Variants in TBC1D21 observed in about 807,000 individuals in gnomAD.
TBC1D21 encodes the protein male germ cell Rab GTPase-activating protein.
In TBC1D21, 38 loss-of-function variants were observed where a neutral mutation model predicts 46.0. The ratio of observed to expected loss-of-function variants is 0.83; its 90% CI spans 0.64 to 1.08. TBC1D21 has a LOEUF of 1.08. Among genes scored for constraint, TBC1D21 ranks in the 50% least tolerant of loss-of-function variants. The probability of loss-of-function intolerance (pLI) is 0.00; values close to 1 mark genes in which losing one functional copy is unlikely to be tolerated. For missense variants in TBC1D21, 415 were observed against 417.9 expected, an observed-to-expected ratio of 0.99 and a Z score of 0.06; for synonymous variants, 151 against 157.2, an observed-to-expected ratio of 0.96 and a Z score of 0.29.
the TBC1D21 span, among the ~76,000 whole-genome samples, chr15:73,906,304 G>A: frequency 1.3e-5 from 2 of 152,184 alleles, no homozygotes; most frequent in Non-Finnish European, 2.9e-5. Flanking sequence ...ACGTATGTGG[G>A]AGGAGGTCGG....
the TBC1D21 span, chr15:73,908,040 C>G: frequency 6.6e-6 from 1 of 152,216 alleles, no homozygotes; most frequent in Non-Finnish European, 1.5e-5. Context: ...TGCCTGCCCC[C>G]AGAAAGTGGC....
chr15:73,898,863 C>CAAAAAAAAAA, the TBC1D21 span, among the ~76,000 whole-genome samples: 414 of 24,072 alleles, frequency 0.017, 48 homozygotes, highest in East Asian at 0.094. Flanking sequence ...GACTCCATCT[C>CAAAAAAAAAA]AAAAAAAAAA....
At chr15:73,887,813 C>T (rs921986020) in intron 9 of TBC1D21, 77 bp downstream of exon 9, 27 of 1,291,448 alleles carry the variant, frequency 2.1e-5, no homozygotes, top group East Asian at 2.3e-5. Flanking sequence ...GCTGAAAGAC[C>T]GGGGTTCATG....
At chr15:73,903,992 G>A in the TBC1D21 span, among the ~76,000 whole-genome samples, 13 of 152,326 alleles carry the variant, frequency 8.5e-5, no homozygotes, top group African/African-American at 3.1e-4. Context: ...AGGTTGCAGT[G>A]AGCTGAGATC....
At chr15:73,899,661 G>A in the TBC1D21 span, among the ~76,000 whole-genome samples, 1 of 152,120 alleles carries the variant, frequency 6.6e-6, no homozygotes, top group Non-Finnish European at 1.5e-5. Context: ...AACAGCCGTC[G>A]CCCTTGGAGA....
chr15:73,892,767 C>T (rs2068347262), downstream of TBC1D21, among the ~76,000 whole-genome samples: 1 of 152,250 alleles, frequency 6.6e-6, no homozygotes, highest in Admixed American at 6.5e-5. Flanking sequence ...CAAACAAGCC[C>T]AGTAGGCCCG....
chr15:73,877,554 A>ACACC (rs1652651513), intron 1 of TBC1D21, among the ~76,000 whole-genome samples: 1 of 31,416 alleles, frequency 3.2e-5, no homozygotes, highest in Non-Finnish European at 8.1e-5. Context: ...AAAAAAAGAA[A>ACACC]TCCCTACTCA....
At chr15:73,883,880 C>T (rs190823907) in intron 3 of TBC1D21, among the ~76,000 whole-genome samples, 100 of 152,294 alleles carry the variant, frequency 6.6e-4, no homozygotes, top group Non-Finnish European at 1.1e-3. Flanking sequence ...GCAGACACCC[C>T]GTTATTAAGA....
At chr15:73,892,511 TG>T (rs1271059231), downstream of TBC1D21, among the ~76,000 whole-genome samples, 1 of 152,216 alleles carries the variant, frequency 6.6e-6, no homozygotes, top group Non-Finnish European at 1.5e-5. Flanking sequence ...CATGCACCGC[TG>T]CGTTCCCTTG....
downstream of TBC1D21, among the ~76,000 whole-genome samples, chr15:73,891,728 G>A (rs921901951): frequency 2.0e-5 from 3 of 152,210 alleles, no homozygotes; most frequent in Non-Finnish European, 4.4e-5. Context: ...TCACAACCCG[G>A]CCAGGTGTGC....
the TBC1D21 span, among the ~76,000 whole-genome samples, chr15:73,897,079 C>T: frequency 2.1e-4 from 32 of 152,298 alleles, 1 homozygote; most frequent in East Asian, 6.2e-3. Context: ...CTCCATTTCT[C>T]CATCATCCCC....
At chr15:73,878,934 A>T (rs2068107165) in intron 1 of TBC1D21, among the ~76,000 whole-genome samples, 1 of 152,196 alleles carries the variant, frequency 6.6e-6, no homozygotes, top group South Asian at 2.1e-4. Context: ...TGACAATCAG[A>T]GGGGCAGAAA....
chr15:73,886,220 G>A, intron 7 of TBC1D21, 46 bp downstream of exon 7: 1 of 1,556,020 alleles, frequency 6.4e-7, no homozygotes, highest in East Asian at 2.2e-5. Context: ...CCCCAGGCAT[G>A]GGAAGGGGGC....
downstream of TBC1D21, among the ~76,000 whole-genome samples, chr15:73,892,302 C>T (rs183003200): frequency 2.6e-4 from 40 of 152,310 alleles, no homozygotes; most frequent in Admixed American, 1.6e-3. Context: ...TGAGACCCAC[C>T]GAATGGCAGG....
chr15:73,881,381 G>A lies in TBC1D21; in HGVS notation c.61-18G>A. On this transcript the variant is annotated intron_variant, in intron 1 of 10. Transcript: ENST00000300504. ...AAGCCTTCTAACATAAGGCAGAACTGGTTGCTGCTTTTGCCAGGTGAAGAG... is the reference window on the plus strand; with the variant it reads ...AAGCCTTCTAACATAAGGCAGAACTAGTTGCTGCTTTTGCCAGGTGAAGAG... 1.3e-6 allele frequency: 2 copies of A among 1,596,490 alleles called. No homozygotes were observed. Among genetic ancestry groups the A allele is most frequent in the Non-Finnish European group, 1.7e-6 (2 of 1,163,988 alleles).
the TBC1D21 span, among the ~76,000 whole-genome samples, chr15:73,895,708 G>C: frequency 6.6e-6 from 1 of 152,196 alleles, no homozygotes; most frequent in African/African-American, 2.4e-5. Flanking sequence ...GACAGCAGCT[G>C]TCTCTTTACG....
downstream of TBC1D21, among the ~76,000 whole-genome samples, chr15:73,893,884 C>G (rs59374297): frequency 3.3e-5 from 5 of 152,146 alleles, no homozygotes; most frequent in Admixed American, 2.0e-4. Flanking sequence ...CAGGAGGTCA[C>G]GAACAAGGGC....
In TBC1D21 at chr15:73,889,141, C is replaced by T; in HGVS notation, c.*40C>T. On this transcript the variant is annotated 3_prime_UTR_variant, in exon 11 of 11. Coordinates refer to ENST00000300504, the MANE Select transcript of TBC1D21 (RefSeq NM_153356.3). ...GCAGTGGACTGATGCCTTCGATGGG[C>T]AGGATGAAGGCCAGGGGCACTGGAG... 6.2e-7 allele frequency: 1 copy of T among 1,606,192 alleles called. No homozygotes were observed. The highest frequency in any genetic ancestry group is 8.5e-7 in the Non-Finnish European group (1 of 1,175,528).
chr15:73,881,877 C>T, intron 3 of TBC1D21, 130 bp downstream of exon 3: 5 of 792,812 alleles, frequency 6.3e-6, no homozygotes, highest in South Asian at 1.6e-5. Flanking sequence ...TGCCTCCTGA[C>T]CCAGGCACAG....
Sources: allele counts gnomAD v4.1 joint callset (sites outside exome capture counted in the v4.1 genomes callset), GRCh38; gene constraint gnomAD v4.1.1; transcripts MANE v1.5; gene names NCBI Gene and HGNC (gene_info 2026-07-23, HGNC 2026-07-21).